Variants in IFRD1 observed in about 807,000 individuals in gnomAD.
IFRD1 encodes interferon related developmental regulator 1.
A neutral mutation model predicts 52.9 loss-of-function variants in IFRD1; 35 were observed. That is an observed-to-expected ratio of 0.66 (90% CI 0.51 to 0.88). The LOEUF (loss-of-function observed/expected upper bound fraction) is 0.88. IFRD1 is among the 40% of genes least tolerant of loss of function. IFRD1 has a pLI of 0.00. For synonymous variants in IFRD1, 184 were observed against 188.4 expected, an observed-to-expected ratio of 0.98 and a Z score of 0.19; for missense variants, 517 against 550.8, an observed-to-expected ratio of 0.94 and a Z score of 0.61.
intron 1 of IFRD1, chr7:112,452,001 C>T (rs186881431): frequency 4.1e-5 from 40 of 983,000 alleles, no homozygotes; most frequent in Middle Eastern, 5.2e-4. Flanking sequence ...TAATAATTGA[C>T]CATAGGGAGG....
chr7:112,439,925 AAG>A (rs1310125371), intron 1 of IFRD1, among the ~76,000 whole-genome samples: 1 of 152,196 alleles, frequency 6.6e-6, no homozygotes, highest in Non-Finnish European at 1.5e-5. Flanking sequence ...GAGAATAAGC[AAG>A]AGAGTAAGAT....
At chr7:112,428,660 A>G (rs1794481091) in intron 1 of IFRD1, among the ~76,000 whole-genome samples, 1 of 152,168 alleles carries the variant, frequency 6.6e-6, no homozygotes, top group Non-Finnish European at 1.5e-5. Flanking sequence ...ATCGAAGGTA[A>G]GGAAGCTTAA....
chr7:112,444,043 G>A (rs770046744), intron 1 of IFRD1, among the ~76,000 whole-genome samples: 3 of 152,162 alleles, frequency 2.0e-5, no homozygotes, highest in Non-Finnish European at 4.4e-5. Context: ...TATTCTTTAT[G>A]TTCAACAAAA....
At chr7:112,425,125 C>A (rs2117216357) in intron 1 of IFRD1, among the ~76,000 whole-genome samples, 1 of 152,334 alleles carries the variant, frequency 6.6e-6, no homozygotes, top group Non-Finnish European at 1.5e-5. Flanking sequence ...CCTGCCTCAG[C>A]CTCCCCAGTA....
At position 112,430,589 on chromosome 7, in the gene IFRD1, G is replaced by C. The variant is rs186772833; in HGVS notation, c.-182+7157G>C. Among the ~76,000 whole-genome samples the C allele has an allele frequency of 1.3e-4, 20 of 152,226 alleles. No individual in the cohort carries two copies. In the East Asian group the frequency reaches 3.9e-3, roughly 29 times the overall value. The stretch of plus-strand genomic sequence containing the variant: ...TGAGCCCTGATTTTTGTTGCCCTGG[G>C]AACACTAGAAAATAGAGAAGTCTTT... On this transcript the variant is annotated intron_variant, in intron 1 of 12. Coordinates refer to the IFRD1 transcript ENST00000005558.
rs1424637202 is a variant in IFRD1 at position 112,462,158 on chromosome 7, A to G, written c.776A>G (p.Glu259Gly). 2.5e-6 allele frequency: 4 copies of G among 1,613,750 alleles called. No individual in the cohort carries two copies. The highest frequency in any genetic ancestry group is 3.4e-6 in the Non-Finnish European group (4 of 1,179,880). The stretch of plus-strand genomic sequence containing the variant: ...CTGCTGACCATATGCCCAATCAATG[A>G]AGTGAAGAAAAAGCTTGAGATGTAT... ...TLLLTICPINEVKKKLEMHFH... is the reference protein window; with the variant it reads ...TLLLTICPINGVKKKLEMHFH... Residue 259 changes from glutamate (E) to glycine (G), a missense_variant, in exon 7 of 12, where the codon GAA (glutamate) becomes GGA (glycine). Glu to Gly is a moderately conservative substitution (Grantham distance 98, BLOSUM62 -2). Transcript: ENST00000403825.
chr7:112,468,062 G>A lies in IFRD1; in HGVS notation c.988G>A (p.Val330Met), dbSNP rs1795658286. The change falls in exon 9 of 12, where the codon GTG becomes ATG. Residue 330 changes from valine to methionine, a missense_variant. Val to Met is a conservative substitution (Grantham distance 21). Coordinates refer to ENST00000403825, the MANE Select transcript of IFRD1 (RefSeq NM_001550.4). The stretch of plus-strand genomic sequence containing the variant: ...AGATGGAAATAAACACCGGGCCAAA[G>A]TGGACAAGAGAAAGCAGCGGTCAGT... The part of the protein sequence containing the change: ...ATDGNKHRAK[V>M]DKRKQRSVFR... 1 of 1,614,110 alleles carries A rather than the reference G, an allele frequency of 6.2e-7. No homozygotes were observed. The highest frequency in any genetic ancestry group is 8.5e-7 in the Non-Finnish European group (1 of 1,179,984).
intron 11 of IFRD1, 52 bp downstream of exon 11, chr7:112,472,913 C>G (rs762430965): frequency 4.7e-6 from 6 of 1,275,272 alleles, no homozygotes; most frequent in South Asian, 2.4e-5. Context: ...AGCTTTGATT[C>G]TGTCTAGTGT....
intron 11 of IFRD1, 37 bp downstream of exon 11, chr7:112,472,898 G>T (rs1441500105): frequency 1.4e-6 from 2 of 1,419,536 alleles, no homozygotes; most frequent in Non-Finnish European, 1.0e-6. Context: ...AACTAAGTGC[G>T]CCAAAGCTTT....
intron 1 of IFRD1, among the ~76,000 whole-genome samples, chr7:112,432,330 G>A (rs1794565806): frequency 1.3e-5 from 2 of 152,152 alleles, no homozygotes; most frequent in African/African-American, 4.8e-5. Flanking sequence ...ATCTGTGTTA[G>A]ATGCTAAGGA....
At chr7:112,448,434 A>T (rs1355875356), upstream of IFRD1, among the ~76,000 whole-genome samples, 3 of 152,186 alleles carry the variant, frequency 2.0e-5, no homozygotes, top group African/African-American at 7.2e-5. Context: ...TGCCTTATGT[A>T]TAGTATAAAT....
chr7:112,425,078 T>C (rs1794399531), intron 1 of IFRD1, among the ~76,000 whole-genome samples: 1 of 152,074 alleles, frequency 6.6e-6, no homozygotes, highest in Non-Finnish European at 1.5e-5. Flanking sequence ...TGATTGTAGC[T>C]CACTGCAGCC....
chr7:112,427,042 C>T (rs752724502), intron 1 of IFRD1, among the ~76,000 whole-genome samples: 6 of 152,184 alleles, frequency 3.9e-5, no homozygotes, highest in African/African-American at 1.4e-4. Flanking sequence ...TCGTCAGAAC[C>T]TCCTGAGGCT....
intron 1 of IFRD1, among the ~76,000 whole-genome samples, chr7:112,428,615 A>G (rs1243841819): frequency 6.6e-6 from 1 of 152,170 alleles, no homozygotes; most frequent in Non-Finnish European, 1.5e-5. Flanking sequence ...TGACACTGTT[A>G]GTGGCTTAGC....
At chr7:112,456,893 C>G in intron 3 of IFRD1, 21 bp from the exon 4 acceptor site, 3 of 1,612,168 alleles carry the variant, frequency 1.9e-6, no homozygotes, top group South Asian at 2.2e-5. Context: ...TCTTCTTTCT[C>G]TTACATTGGG....
chr7:112,457,792 C>T (rs1795333047), intron 4 of IFRD1: 1 of 152,168 alleles, frequency 6.6e-6, no homozygotes, highest in African/African-American at 2.4e-5. Flanking sequence ...AAATAATTAT[C>T]CTCCACTATC....
intron 5 of IFRD1, among the ~76,000 whole-genome samples, 170 bp downstream of exon 5, chr7:112,459,188 TG>T (rs1347667707): frequency 6.6e-6 from 1 of 152,148 alleles, no homozygotes; most frequent in African/African-American, 2.4e-5. Flanking sequence ...AACTGTAGCC[TG>T]GGAGACAAAG....
intron 1 of IFRD1, among the ~76,000 whole-genome samples, chr7:112,426,746 T>A (rs1794437772): frequency 6.6e-6 from 1 of 152,224 alleles, no homozygotes; most frequent in Non-Finnish European, 1.5e-5. Flanking sequence ...GAATTTACAA[T>A]CTATTCTCCC....
In IFRD1 at chr7:112,456,202, G is replaced by A. The variant is rs1269957614; in HGVS notation, c.284+116G>A. ...CAGTTACCTTACATGTATATAATTT[G>A]TGCAGCTCTCAGATAATAGCAATAT... On this transcript the variant is annotated intron_variant, in intron 3 of 11. Transcript: ENST00000403825. 5 of 739,236 alleles carry A rather than the reference G, an allele frequency of 6.8e-6. No individual in the cohort carries two copies. In the African/African-American group the frequency reaches 6.9e-5, roughly 10 times the overall value. 45.8% of individuals were successfully genotyped at this position (739,236 alleles called of 1,614,324 possible).
Sources: gnomAD v4.1 joint callset for allele counts (sites outside exome capture counted in the v4.1 genomes callset) on GRCh38, gnomAD v4.1.1 for gene constraint, MANE v1.5 for transcripts, NCBI Gene and HGNC (gene_info 2026-07-23, HGNC 2026-07-21) for gene names.